Variants in PARM1 observed in about 807,000 individuals in gnomAD.
PARM1 encodes the protein WSC4, cell wall integrity and stress response component 4 homolog.
PARM1 carries 14 observed loss-of-function variants against 24.6 expected under a neutral mutation model. The observed-to-expected ratio is 0.57, with a 90% CI of 0.38 to 0.89. The LOEUF (loss-of-function observed/expected upper bound fraction) is 0.89, where lower values mean the gene tolerates loss of function less well. PARM1 is among the 40% of genes least tolerant of loss of function. The probability of loss-of-function intolerance (pLI) is 0.00; values close to 1 mark genes in which losing one functional copy is unlikely to be tolerated. For synonymous variants in PARM1, 179 were observed against 156.6 expected, an observed-to-expected ratio of 1.14 and a Z score of -1.07; for missense variants, 362 against 380.4, an observed-to-expected ratio of 0.95 and a Z score of 0.40.
At chr4:74,947,132 G>A (rs1721425959) in intron 1 of PARM1, among the ~76,000 whole-genome samples, 1 of 152,174 alleles carries the variant, frequency 6.6e-6, no homozygotes, top group Non-Finnish European at 1.5e-5. Flanking sequence ...ATGCACTCAG[G>A]TACTACATCT....
At chr4:74,948,691 C>T (rs191470025) in intron 1 of PARM1, among the ~76,000 whole-genome samples, 8 of 152,198 alleles carry the variant, frequency 5.3e-5, no homozygotes, top group Middle Eastern at 6.8e-3. Context: ...TCCAGTTGGC[C>T]GGTTTCCTGT....
intron 1 of PARM1, among the ~76,000 whole-genome samples, chr4:74,993,348 G>T (rs1419607756): frequency 6.6e-6 from 1 of 152,114 alleles, no homozygotes; most frequent in Non-Finnish European, 1.5e-5. Flanking sequence ...GAGCTTAGTA[G>T]CAGTTTCTTC....
rs1196956843 is a variant in PARM1, at chr4:74,984,871, A to G, written c.44-27554A>G. Among the ~76,000 whole-genome samples the G allele has an allele frequency of 2.6e-5, 4 of 152,184 alleles. No individual in the cohort carries two copies. In the East Asian group the frequency reaches 7.7e-4, roughly 29 times the overall value. On this transcript the variant is annotated intron_variant, in intron 1 of 3. Coordinates refer to ENST00000307428, the MANE Select transcript of PARM1 (RefSeq NM_015393.4). The stretch of plus-strand genomic sequence containing the variant: ...AAGAAGAATATGCAGTAGAGACTAT[A>G]TGTGGTCCCAAAGCTTAAAACATTT...
chr4:74,996,185 T>G (rs768683296), intron 1 of PARM1, among the ~76,000 whole-genome samples: 6 of 152,116 alleles, frequency 3.9e-5, no homozygotes, highest in Non-Finnish European at 8.8e-5. Context: ...CCAATGTCCT[T>G]GTACAGGCCC....
At chr4:74,964,580 T>C (rs1174633066) in intron 1 of PARM1, among the ~76,000 whole-genome samples, 7 of 124,600 alleles carry the variant, frequency 5.6e-5, no homozygotes, top group East Asian at 1.9e-4. Flanking sequence ...CACACACACA[T>C]TGCATCCTTC....
In PARM1 at chr4:75,046,221, A is replaced by C. The variant is rs1396683578; in HGVS notation, c.907A>C (p.Asn303His). ...TGACTACGGGTCCTGGGGAAACTAC[A>C]ACAACCCTCTGTACGATGACTCCTA... ...DHDYGSWGNY[N>H]NPLYDDS Residue 303 changes from asparagine to histidine, a missense_variant, in exon 4 of 4, where the codon AAC becomes CAC. Physicochemically the swap from Asn to His is moderately conservative, Grantham distance 68. Coordinates refer to ENST00000307428, the MANE Select transcript of PARM1 (RefSeq NM_015393.4). 2.5e-6 allele frequency: 4 copies of C among 1,611,938 alleles called. No homozygotes were observed. Among genetic ancestry groups the C allele is most frequent in the Non-Finnish European group, 3.4e-6 (4 of 1,178,030 alleles).
chr4:75,024,593 G>A (rs1723148833), intron 2 of PARM1, among the ~76,000 whole-genome samples: 1 of 152,220 alleles, frequency 6.6e-6, no homozygotes, highest in Non-Finnish European at 1.5e-5. Context: ...TGCCAAGGTT[G>A]GTGAACCCCA....
intron 1 of PARM1, 151 bp from the exon 2 acceptor site, chr4:75,012,274 A>T (rs1722884224): frequency 2.6e-6 from 2 of 756,728 alleles, no homozygotes; most frequent in South Asian, 3.8e-5. Context: ...AAGTCCATTA[A>T]AAGTTGCCTT....
At chr4:75,045,267 A>G (rs899540204) in intron 3 of PARM1, among the ~76,000 whole-genome samples, 2 of 152,216 alleles carry the variant, frequency 1.3e-5, no homozygotes, top group Admixed American at 6.5e-5. Flanking sequence ...CAAGGGTCCT[A>G]TAATAGGGGC....
At chr4:75,020,263 G>A (rs1302897394) in intron 2 of PARM1, among the ~76,000 whole-genome samples, 8 of 151,994 alleles carry the variant, frequency 5.3e-5, no homozygotes, top group Non-Finnish European at 1.0e-4. Flanking sequence ...GGTATCTTAC[G>A]CTCAGCTTTA....
intron 1 of PARM1, among the ~76,000 whole-genome samples, chr4:74,936,427 T>TA (rs1423197634): frequency 6.7e-6 from 1 of 148,492 alleles, no homozygotes; most frequent in African/African-American, 2.5e-5. Flanking sequence ...CCATGGTTGT[T>TA]ACATTCAAGT....
chr4:75,037,899 TAAGAA>T (rs1402306847), intron 3 of PARM1, among the ~76,000 whole-genome samples: 1 of 152,228 alleles, frequency 6.6e-6, no homozygotes, highest in Non-Finnish European at 1.5e-5. Context: ...GCATGGTGAC[TAAGAA>T]CATGCACTCT....
intron 1 of PARM1, among the ~76,000 whole-genome samples, chr4:74,933,705 G>A (rs1198478310): frequency 6.6e-6 from 1 of 152,202 alleles, no homozygotes; most frequent in Non-Finnish European, 1.5e-5. Context: ...CAGGGTTTCG[G>A]AGCGCACTCT....
At chr4:74,948,531 A>G (rs1283247682) in intron 1 of PARM1, among the ~76,000 whole-genome samples, 2 of 152,190 alleles carry the variant, frequency 1.3e-5, no homozygotes, top group Non-Finnish European at 2.9e-5. Context: ...AGTGGCCTAT[A>G]AGACAAATAC....
chr4:75,043,956 A>T (rs1453177733), intron 3 of PARM1, among the ~76,000 whole-genome samples: 1 of 151,924 alleles, frequency 6.6e-6, no homozygotes, highest in African/African-American at 2.4e-5. Flanking sequence ...AGGTACATAG[A>T]TTAGGTCAGC....
chr4:75,022,820 ACCCT>A (rs761638223), intron 2 of PARM1, among the ~76,000 whole-genome samples: 9 of 152,126 alleles, frequency 5.9e-5, no homozygotes, highest in Admixed American at 1.3e-4. Context: ...ATGGATCAAC[ACCCT>A]CCCATCATCT....
intron 1 of PARM1, among the ~76,000 whole-genome samples, chr4:74,963,852 G>A (rs1273112384): frequency 6.6e-6 from 1 of 152,040 alleles, no homozygotes; most frequent in Non-Finnish European, 1.5e-5. Context: ...CTTTCTACGT[G>A]CCAAAAAATA....
At chr4:75,028,782 C>T (rs1723226948) in intron 2 of PARM1, among the ~76,000 whole-genome samples, 2 of 152,200 alleles carry the variant, frequency 1.3e-5, no homozygotes, top group South Asian at 4.1e-4. Flanking sequence ...TTAAAGAGCC[C>T]AGCAAAGTTA....
In PARM1 at chr4:75,012,470, C is replaced by T; in HGVS notation, c.89C>T (p.Ser30Phe). Residue 30 changes from serine (S) to phenylalanine (F), a missense_variant, in exon 2 of 4, where the codon TCT (serine) becomes TTT (phenylalanine). By Grantham distance (155) the Ser-to-Phe change is radical. Transcript: ENST00000307428. ...CCTACATCAGCTCCTTTGTCTGTTTCTCTTCCGACAAACATTGTACCACCG... is the reference window on the plus strand; with the variant it reads ...CCTACATCAGCTCCTTTGTCTGTTTTTCTTCCGACAAACATTGTACCACCG... Reference protein sequence around the residue: ...SLPTSAPLSVSLPTNIVPPTT... With the variant: ...SLPTSAPLSVFLPTNIVPPTT... 1.9e-6 allele frequency: 3 copies of T among 1,613,900 alleles called. No individual in the cohort carries two copies. Among genetic ancestry groups the T allele is most frequent in the Non-Finnish European group, 1.7e-6 (2 of 1,179,824 alleles).
Sources: allele counts gnomAD v4.1 joint callset (sites outside exome capture counted in the v4.1 genomes callset), GRCh38; gene constraint gnomAD v4.1.1; transcripts MANE v1.5; gene names NCBI Gene and HGNC (gene_info 2026-07-23, HGNC 2026-07-21).